Variants in TMEM273 observed in about 807,000 individuals in gnomAD.
TMEM273 encodes the protein transmembrane protein 273.
Under a neutral mutation model 17.9 loss-of-function variants are expected in TMEM273, and 19 were observed. The observed-to-expected ratio is 1.06, with a 90% confidence interval of 0.74 to 1.55. The LOEUF is 1.55. Ranked by LOEUF, TMEM273 falls within the 40% of genes most tolerant of loss-of-function variation. The probability of loss-of-function intolerance (pLI) is 0.00; values close to 1 mark genes in which losing one functional copy is unlikely to be tolerated. For synonymous variants in TMEM273, 66 were observed against 62.0 expected (o/e 1.07, Z -0.31); for missense variants, 194 against 155.6 (o/e 1.25, Z -1.31).
At chr10:49,180,461 G>A (rs1847274055) in intron 1 of TMEM273, among the ~76,000 whole-genome samples, 1 of 152,176 alleles carries the variant, frequency 6.6e-6, no homozygotes, top group Non-Finnish European at 1.5e-5. Flanking sequence ...TGGCCAGAGA[G>A]GATGTCAGGC....
At chr10:49,174,656 T>C (rs1206401524) in intron 1 of TMEM273, among the ~76,000 whole-genome samples, 1 of 151,962 alleles carries the variant, frequency 6.6e-6, no homozygotes, top group Non-Finnish European at 1.5e-5. Flanking sequence ...CAAACCTACC[T>C]GGCAAAGCTG....
At chr10:49,173,867 G>A (rs1024920181) in intron 1 of TMEM273, among the ~76,000 whole-genome samples, 4 of 152,168 alleles carry the variant, frequency 2.6e-5, no homozygotes, top group Admixed American at 2.0e-4. Flanking sequence ...GACAAGGGGG[G>A]GCGATAGCGT....
chr10:49,172,603 G>T (rs1166150204), intron 1 of TMEM273, among the ~76,000 whole-genome samples: 1 of 152,216 alleles, frequency 6.6e-6, no homozygotes, highest in Non-Finnish European at 1.5e-5. Context: ...ATGGGTAGGA[G>T]GGAAGGATAT....
At position 49,154,848 on chromosome 10, in the gene TMEM273, A is replaced by C. The variant is rs545378963; in HGVS notation, c.*1044T>G. ...GCTGCTAATGAACAGCATCGTTATC[A>C]AGTTGGGTAAGAGACGCCCTGGGAG... On this transcript the variant is annotated 3_prime_UTR_variant, in exon 7 of 7. Coordinates refer to ENST00000374153, the MANE Select transcript of TMEM273 (RefSeq NM_001288740.3). 1.3e-5 allele frequency: 2 copies of C among 152,342 alleles called. No homozygotes were observed. The highest frequency in any genetic ancestry group is 3.9e-4 in the East Asian group (2 of 5,184). 9.4% of individuals were successfully genotyped at this position (152,342 alleles called of 1,614,324 possible).
In TMEM273 at chr10:49,155,729, C is replaced by T. The variant is rs1845469023; in HGVS notation, c.*163G>A. On this transcript the variant is annotated 3_prime_UTR_variant, in exon 7 of 7. Transcript: ENST00000374153. ...ATGATATTTTCCTTCAGGACAGAGGCACTGTATATTCTATTCCTTCTATTA... is the reference window on the plus strand; with the variant it reads ...ATGATATTTTCCTTCAGGACAGAGGTACTGTATATTCTATTCCTTCTATTA... 2.2e-6 allele frequency: 2 copies of T among 927,480 alleles called. No individual in the cohort carries two copies. The highest frequency in any genetic ancestry group is 2.3e-5 in the Admixed American group (1 of 44,412). The allele number at this position is 927,480 out of a possible 1,614,324, so 57.5% of individuals were successfully genotyped here.
chr10:49,172,142 G>A lies in TMEM273; in HGVS notation c.44-4180C>T, dbSNP rs1037711617. Reference sequence around the variant, plus strand: ...GAGCTCATGAATTCCAACATTCTCAGCTAGAGGAAGTGGCTTTGAATGTCT... The same window carrying A: ...GAGCTCATGAATTCCAACATTCTCAACTAGAGGAAGTGGCTTTGAATGTCT... On this transcript the variant is annotated intron_variant, in intron 1 of 6. Transcript: ENST00000374153. Among the ~76,000 whole-genome samples the A allele has an allele frequency of 2.2e-4, 34 of 152,328 alleles. 1 individual carries two copies. The highest frequency in any genetic ancestry group is 2.6e-4 in the African/African-American group (11 of 41,574).
chr10:49,158,054 A>G (rs1294596983), intron 6 of TMEM273, among the ~76,000 whole-genome samples: 2 of 152,232 alleles, frequency 1.3e-5, no homozygotes. Context: ...CAAAAACTCC[A>G]TTTTGAAAGC....
At chr10:49,157,664 A>G (rs1053683810) in intron 6 of TMEM273, among the ~76,000 whole-genome samples, 2 of 152,252 alleles carry the variant, frequency 1.3e-5, no homozygotes, top group Non-Finnish European at 2.9e-5. Flanking sequence ...AAAACTCAGT[A>G]AAATAGGAAC....
In TMEM273 at chr10:49,166,880, C is replaced by G. The variant is rs756845229; in HGVS notation, c.227G>C (p.Gly76Ala). Residue 76 changes from glycine (G) to alanine (A), a missense_variant, in exon 3 of 7, where the codon GGG (glycine) becomes GCG (alanine). Transcript: ENST00000374153. ...ACCACATCCCTCACCACTGAGGCCCCCAGGCGTGCTTTTCAGGTCGGAAGA... is the reference window on the plus strand; with the variant it reads ...ACCACATCCCTCACCACTGAGGCCCGCAGGCGTGCTTTTCAGGTCGGAAGA... The part of the protein sequence containing the change: ...DDSSDLKSTP[G>A]GLSDTIPLKK... The G allele has an allele frequency of 6.2e-7, 1 of 1,613,858 alleles. No homozygotes were observed. The highest frequency in any genetic ancestry group is 8.5e-7 in the Non-Finnish European group (1 of 1,180,012).
intron 1 of TMEM273, among the ~76,000 whole-genome samples, chr10:49,181,829 AG>A (rs68038445): frequency 0.32 from 49,053 of 151,930 alleles, 8,022 homozygotes; most frequent in South Asian, 0.46. Context: ...ACGAAAAAAA[AG>A]ATTAATAAGT....
At position 49,170,438 on chromosome 10, in the gene TMEM273, C is replaced by T. The variant is rs150764139; in HGVS notation, c.44-2476G>A. ...CCCTGGCTGAGGTTCAGCTCACCCC[C>T]AAAAAGAGGCCAGTCCCTTAGGCAC... On this transcript the variant is annotated intron_variant, in intron 1 of 6. Coordinates refer to ENST00000374153, the MANE Select transcript of TMEM273 (RefSeq NM_001288740.3). Among the ~76,000 whole-genome samples, 450 of 152,252 alleles carry T rather than the reference C, an allele frequency of 3.0e-3. 3 individuals are homozygous for T. Among genetic ancestry groups the T allele is most frequent in the African/African-American group, 0.01 (418 of 41,544 alleles).
At chr10:49,165,476 G>T (rs2804931) in intron 4 of TMEM273, 193 bp from the exon 5 acceptor site, 184,781 of 1,459,116 alleles carry the variant, frequency 0.13, 15,442 homozygotes, top group African/African-American at 0.32. Context: ...AAAGTCAGGG[G>T]TATGCACTGA....
chr10:49,183,377 G>GTT (rs386371319), intron 1 of TMEM273, among the ~76,000 whole-genome samples: 1 of 151,512 alleles, frequency 6.6e-6, no homozygotes, highest in Non-Finnish European at 1.5e-5. Context: ...GTGTGTGTGT[G>GTT]TATAGAGAGA....
rs142195895 is a variant in TMEM273 at position 49,158,106 on chromosome 10, T to C, written c.373-2197A>G. Reference sequence around the variant, plus strand: ...TTAGGAATAAATATAACAAAAAATATGACAATCTTATAAGAGTAAAATCTG... The same window carrying C: ...TTAGGAATAAATATAACAAAAAATACGACAATCTTATAAGAGTAAAATCTG... On this transcript the variant is annotated intron_variant, in intron 6 of 6. Transcript: ENST00000374153. 2.7e-3 allele frequency among the ~76,000 whole-genome samples: 409 copies of C among 152,180 alleles called. 1 individual carries two copies. Among genetic ancestry groups the C allele is most frequent in the African/African-American group, 9.0e-3 (374 of 41,490 alleles).
chr10:49,175,392 G>T (rs1846886236), intron 1 of TMEM273, among the ~76,000 whole-genome samples: 1 of 152,232 alleles, frequency 6.6e-6, no homozygotes, highest in Non-Finnish European at 1.5e-5. Context: ...GGAACGAGAA[G>T]CAGGAGGCCA....
rs184570913 is a variant in TMEM273 at position 49,156,253 on chromosome 10, C to A, written c.373-344G>T. ...AGTTGGTGAATTTGCACAGATCTGG[C>A]CAGATGCTACGAGGAACAAGATAGA... On this transcript the variant is annotated intron_variant, in intron 6 of 6. Coordinates refer to ENST00000374153, the MANE Select transcript of TMEM273 (RefSeq NM_001288740.3). 1.6e-4 allele frequency: 217 copies of A among 1,353,880 alleles called. No individual in the cohort carries two copies. The Middle Eastern group carries it at 2.2e-3, about 14-fold the overall frequency. The allele number at this position is 1,353,880 out of a possible 1,614,324, so 83.9% of individuals were successfully genotyped here.
At chr10:49,168,673 AAAGGAAGGAAGG>A (rs1239851736) in intron 1 of TMEM273, among the ~76,000 whole-genome samples, 5 of 118,942 alleles carry the variant, frequency 4.2e-5, no homozygotes, top group Admixed American at 8.6e-5. Context: ...AGGAAGGAAG[AAAGGAAGGAAGG>A]AAGGAAGGGA....
At chr10:49,168,657 GAAGGAAGGAAGGAAGA>G (rs1291802081) in intron 1 of TMEM273, among the ~76,000 whole-genome samples, 2 of 132,860 alleles carry the variant, frequency 1.5e-5, no homozygotes, top group East Asian at 2.4e-4. Context: ...TTGGTGAATG[GAAGGAAGGAAGGAAGA>G]AAGGAAGGAA....
chr10:49,175,752 G>A (rs1806679), intron 1 of TMEM273, among the ~76,000 whole-genome samples: 34,301 of 152,214 alleles, frequency 0.23, 4,032 homozygotes, highest in Middle Eastern at 0.31. Flanking sequence ...CTGACCAGGA[G>A]TGGTGACACA....
Sources: gnomAD v4.1 joint callset for allele counts (sites outside exome capture counted in the v4.1 genomes callset) on GRCh38, gnomAD v4.1.1 for gene constraint, MANE v1.5 for transcripts, NCBI Gene and HGNC (gene_info 2026-07-23, HGNC 2026-07-21) for gene names.